Variants in ZNF717 observed in about 807,000 individuals in gnomAD.
ZNF717 encodes krueppel-like factor X17.
In ZNF717, 9 loss-of-function variants were observed where a neutral mutation model predicts 13.8. The ratio of observed to expected loss-of-function variants is 0.65; its 90% CI spans 0.39 to 1.14. The LOEUF (loss-of-function observed/expected upper bound fraction) is 1.14, where lower values mean the gene tolerates loss of function less well. Among genes scored for constraint, ZNF717 ranks in the 50% most tolerant of loss-of-function variants. The pLI is 0.01. For synonymous variants in ZNF717, 327 were observed against 364.1 expected, an observed-to-expected ratio of 0.90 and a Z score of 1.16; for missense variants, 1,040 against 1,080.7, an observed-to-expected ratio of 0.96 and a Z score of 0.53.
intron 2 of ZNF717, among the ~76,000 whole-genome samples, chr3:75,782,378 C>A (rs1944885193): frequency 6.6e-6 from 1 of 152,198 alleles, no homozygotes; most frequent in Admixed American, 6.5e-5. Flanking sequence ...TCAAGATGTT[C>A]CAGGTTTCAT....
At chr3:75,722,978 C>T (rs1938198401) in intron 4 of ZNF717, among the ~76,000 whole-genome samples, 1 of 152,026 alleles carries the variant, frequency 6.6e-6, no homozygotes, top group African/African-American at 2.4e-5. Context: ...GTTAATGGCT[C>T]TTTTACCGAT....
chr3:75,722,851 C>G (rs1177372650), intron 4 of ZNF717, among the ~76,000 whole-genome samples: 40 of 70,572 alleles, frequency 5.7e-4, no homozygotes, highest in Non-Finnish European at 1.4e-3. Flanking sequence ...AACTATTGTT[C>G]TTCTTCTTTG....
At chr3:75,749,361 T>C (rs2118753) in intron 2 of ZNF717, among the ~76,000 whole-genome samples, 14,155 of 143,116 alleles carry the variant, frequency 0.099, 1,129 homozygotes, top group African/African-American at 0.22. Context: ...CTGTCCTTCA[T>C]ATAGGATTCC....
chr3:75,707,380 G>A (rs1388520780), downstream of ZNF717, among the ~76,000 whole-genome samples: 67 of 152,366 alleles, frequency 4.4e-4, no homozygotes, highest in African/African-American at 1.6e-3. Context: ...ATTAAGAAAT[G>A]CAGTTGTCTC....
At position 75,750,784 on chromosome 3, in the gene ZNF717, AT is replaced by A. The variant is rs1188553623; in HGVS notation, c.58-9049del. ...CCAGAACTCCCCTCCTGTGGTCTGA[AT>A]TTCTCCCTCACATAGGATTCCAGAA... On this transcript the variant is annotated intron_variant, in intron 2 of 4. Coordinates refer to ENST00000652011, the MANE Select transcript of ZNF717 (RefSeq NM_001290208.3). 2.1e-5 allele frequency among the ~76,000 whole-genome samples: 3 copies of A among 144,086 alleles called. No homozygotes were observed. The East Asian group carries it at 6.3e-4, about 30-fold the overall frequency. 94.5% of individuals were successfully genotyped at this position (144,086 alleles called of 152,430 possible).
intron 2 of ZNF717, among the ~76,000 whole-genome samples, chr3:75,742,855 T>C (rs1940649888): frequency 6.6e-6 from 1 of 152,260 alleles, no homozygotes; most frequent in African/African-American, 2.4e-5. Context: ...CTCTCTTATA[T>C]AAACTATTCT....
chr3:75,734,817 ATTTTTTT>A (rs545474632), downstream of ZNF717, among the ~76,000 whole-genome samples: 2,394 of 56,446 alleles, frequency 0.042, 15 homozygotes, highest in South Asian at 0.092. Flanking sequence ...ATATATATAT[ATTTTTTT>A]TTTTTTTTTT....
At chr3:75,739,673 CTCTTT>C (rs1303416581) in intron 4 of ZNF717, among the ~76,000 whole-genome samples, 1 of 149,706 alleles carries the variant, frequency 6.7e-6, no homozygotes, top group East Asian at 2.0e-4. Flanking sequence ...TATGTTTTCT[CTCTTT>C]TTTTTTATTT....
intron 6 of ZNF717, among the ~76,000 whole-genome samples, chr3:75,699,017 G>T (rs1451446899): frequency 2.7e-4 from 41 of 151,706 alleles, no homozygotes; most frequent in African/African-American, 9.3e-4. Context: ...GGGACACAGA[G>T]TGAAAAATAA....
intron 2 of ZNF717, among the ~76,000 whole-genome samples, chr3:75,772,902 C>T (rs551569142): frequency 2.0e-4 from 31 of 152,308 alleles, no homozygotes; most frequent in African/African-American, 6.7e-4. Flanking sequence ...AATTCTCTCT[C>T]GGATTTCAGA....
At chr3:75,745,388 CTATG>C (rs1208756310) in intron 2 of ZNF717, among the ~76,000 whole-genome samples, 1 of 151,858 alleles carries the variant, frequency 6.6e-6, no homozygotes, top group Non-Finnish European at 1.5e-5. Context: ...TTCTGGAACT[CTATG>C]TGAGGGAAAA....
chr3:75,734,734 T>C (rs6795505), downstream of ZNF717, among the ~76,000 whole-genome samples: 1,852 of 120,628 alleles, frequency 0.015, 14 homozygotes, highest in Non-Finnish European at 0.024. Context: ...CGTACCTGGC[T>C]GCTTTTTATT....
intron 2 of ZNF717, among the ~76,000 whole-genome samples, chr3:75,750,464 T>C (rs78783733): frequency 6.7e-6 from 1 of 149,124 alleles, no homozygotes; most frequent in Non-Finnish European, 1.5e-5. Flanking sequence ...GTTCCTCACA[T>C]ACAATTCCAG....
At chr3:75,718,193 G>T (rs1432934224) in intron 4 of ZNF717, among the ~76,000 whole-genome samples, 3 of 152,198 alleles carry the variant, frequency 2.0e-5, no homozygotes, top group Non-Finnish European at 4.4e-5. Flanking sequence ...CCAGTCAGTA[G>T]TAGAAGGCTT....
chr3:75,745,921 C>T lies in ZNF717; in HGVS notation c.58-4185G>A, dbSNP rs1409525991. Reference sequence around the variant, plus strand: ...TAAGATCTAGGATACATGTGCACAACGTGCAGGTTTCTTACATATGTATAC... The same window carrying T: ...TAAGATCTAGGATACATGTGCACAATGTGCAGGTTTCTTACATATGTATAC... On this transcript the variant is annotated intron_variant, in intron 2 of 4. Transcript: ENST00000652011. 4.6e-5 allele frequency among the ~76,000 whole-genome samples: 7 copies of T among 151,868 alleles called. No homozygotes were observed. In the East Asian group the frequency reaches 5.8e-4, roughly 13 times the overall value.
At chr3:75,717,042 GC>G (rs1295656145) in intron 4 of ZNF717, among the ~76,000 whole-genome samples, 1 of 152,220 alleles carries the variant, frequency 6.6e-6, no homozygotes, top group Non-Finnish European at 1.5e-5. Flanking sequence ...TTCTTGGAAT[GC>G]TGGTTTCCTG....
chr3:75,784,699 C>T (rs1189031922), intron 1 of ZNF717: 2 of 152,224 alleles, frequency 1.3e-5, no homozygotes, highest in African/African-American at 4.8e-5. Context: ...TCCAAACCTA[C>T]CACTGTCACC....
At chr3:75,766,157 A>G (rs1020372553) in intron 2 of ZNF717, among the ~76,000 whole-genome samples, 11 of 152,366 alleles carry the variant, frequency 7.2e-5, no homozygotes, top group African/African-American at 2.6e-4. Flanking sequence ...TGGCAGACCT[A>G]AATCCAACCT....
chr3:75,738,395 G>C lies in ZNF717; in HGVS notation c.1228C>G (p.Leu410Val), dbSNP rs193921040. 0.031 allele frequency: 47,277 copies of C among 1,538,504 alleles called. 326 individuals are homozygous for C. Among genetic ancestry groups the C allele is most frequent in the South Asian group, 0.067 (5,594 of 83,300 alleles). ...GTGTGAGTTCTATGATGTATTGTGA[G>C]GTATGACTTCTGGCTAAAGGTTTTT... ...CGKTFSQKSY[L>V]TIHHRTHTGE... The change falls in exon 5 of 5, where the codon CTC becomes GTC. Residue 410 changes from leucine (L) to valine (V), a missense_variant. By Grantham distance (32) the Leu-to-Val change is conservative. This residue lies in a region of ZNF717 where 873 missense variants were observed against 832.8 expected (regional missense o/e 1.05). Transcript: ENST00000652011.
Sources: allele counts gnomAD v4.1 joint callset (sites outside exome capture counted in the v4.1 genomes callset), GRCh38; gene constraint gnomAD v4.1.1; regional missense constraint gnomAD v4.1.1; transcripts MANE v1.5; gene names NCBI Gene and HGNC (gene_info 2026-07-23, HGNC 2026-07-21).